The following DMGDH variants were observed in gnomAD, a reference collection of about 807,000 sequenced individuals.
The protein encoded by DMGDH is dimethylglycine dehydrogenase, mitochondrial.
In DMGDH, 76 loss-of-function variants were observed where a neutral mutation model predicts 95.2. The observed-to-expected ratio is 0.80, with a 90% CI of 0.66 to 0.97. DMGDH has a LOEUF of 0.97. Ranked by LOEUF, DMGDH falls within the 50% of genes least tolerant of loss-of-function variation. The probability of loss-of-function intolerance (pLI) is 0.00; values close to 1 mark genes in which losing one functional copy is unlikely to be tolerated. For synonymous variants in DMGDH, 345 were observed against 377.6 expected (o/e 0.91, Z 1.00); for missense variants, 987 against 1,055.0 (o/e 0.94, Z 0.89).
chr5:79,037,304 C>A (rs772445196), intron 7 of DMGDH, among the ~76,000 whole-genome samples: 1 of 152,172 alleles, frequency 6.6e-6, no homozygotes, highest in African/African-American at 2.4e-5. Flanking sequence ...ATGTGACTAA[C>A]CACATGGTCA....
intron 2 of DMGDH, among the ~76,000 whole-genome samples, chr5:79,062,119 C>T (rs537920360): frequency 2.6e-5 from 4 of 152,086 alleles, no homozygotes; most frequent in South Asian, 2.1e-4. Context: ...AGCCTCATGG[C>T]CCCCTGGCTC....
chr5:79,065,890 C>T (rs1404328705), intron 1 of DMGDH, among the ~76,000 whole-genome samples: 2 of 152,008 alleles, frequency 1.3e-5, no homozygotes, highest in Admixed American at 6.5e-5. Context: ...ATATGTGGTC[C>T]ATCATTGACC....
At chr5:79,035,107 C>A (rs939485864) in intron 7 of DMGDH, among the ~76,000 whole-genome samples, 11 of 149,378 alleles carry the variant, frequency 7.4e-5, no homozygotes, top group African/African-American at 2.7e-4. Flanking sequence ...AAAAACCCAG[C>A]AATTTACATT....
chr5:79,063,822 C>T (rs1580234541), intron 1 of DMGDH, 35 bp from the exon 2 acceptor site: 13 of 1,608,168 alleles, frequency 8.1e-6, no homozygotes, highest in South Asian at 3.3e-5. Context: ...GAACTTCAAT[C>T]GGCAATGGTA....
At chr5:79,033,979 T>C (rs1201411582) in intron 7 of DMGDH, among the ~76,000 whole-genome samples, 1 of 152,012 alleles carries the variant, frequency 6.6e-6, no homozygotes, top group Non-Finnish European at 1.5e-5. Context: ...AAAATAGCTC[T>C]TTATGGGGAA....
intron 11 of DMGDH, among the ~76,000 whole-genome samples, chr5:79,029,191 ATCTAAG>A (rs1199653526): frequency 1.3e-5 from 2 of 152,220 alleles, no homozygotes; most frequent in Admixed American, 6.5e-5. Flanking sequence ...TCCTTGAGCT[ATCTAAG>A]TCTATCACAA....
intron 2 of DMGDH, among the ~76,000 whole-genome samples, chr5:79,058,413 G>A (rs879547817): frequency 2.0e-5 from 3 of 152,172 alleles, no homozygotes; most frequent in Non-Finnish European, 4.4e-5. Context: ...TGACTTCAAC[G>A]AGGACATATT....
chr5:79,009,896 A>G (rs2112603206), intron 14 of DMGDH, among the ~76,000 whole-genome samples: 2 of 152,320 alleles, frequency 1.3e-5, no homozygotes, highest in East Asian at 3.9e-4. Context: ...TAATGCTGTA[A>G]TTAAAATAGG....
At chr5:79,051,196 T>C (rs1198133913) in intron 5 of DMGDH, 91 bp downstream of exon 5, 5 of 1,380,048 alleles carry the variant, frequency 3.6e-6, no homozygotes, top group Non-Finnish European at 4.1e-6. Flanking sequence ...CAGTGCTTCA[T>C]GACAATGTCC....
chr5:79,030,833 C>G lies in DMGDH; in HGVS notation c.1683G>C (p.Lys561Asn), dbSNP rs755456130. ...LDHLFANVIP[K>N]VGFTNISHML... is the part of the protein sequence containing the mutation. ...CTTGTATCCCTACAAGGCTATTTAC[C>G]TTTGGAATGACATTTGCAAAGAGAT... Residue 561 changes from lysine to asparagine, a missense_variant and splice_region_variant, in exon 10 of 16, where the codon AAG becomes AAC. Physicochemically the swap from Lys to Asn is moderately conservative, Grantham distance 94. Coordinates refer to ENST00000255189, the MANE Select transcript of DMGDH (RefSeq NM_013391.3). 6.2e-7 allele frequency: 1 copy of G among 1,613,834 alleles called. No homozygotes were observed. Among genetic ancestry groups the G allele is most frequent in the Admixed American group, 1.7e-5 (1 of 59,986 alleles).
chr5:79,065,502 ATGCCC>A (rs2112680317), intron 1 of DMGDH, among the ~76,000 whole-genome samples: 1 of 152,264 alleles, frequency 6.6e-6, no homozygotes, highest in South Asian at 2.1e-4. Flanking sequence ...ATGAGCCACC[ATGCCC>A]GGCCAGAGCT....
At chr5:79,030,662 A>AAAG (rs1754138808) in intron 10 of DMGDH, 171 bp downstream of exon 10, 1 of 707,780 alleles carries the variant, frequency 1.4e-6, no homozygotes, top group East Asian at 2.9e-5. Flanking sequence ...AAAAAAAAAA[A>AAAG]AAAAGAAAAG....
intron 14 of DMGDH, among the ~76,000 whole-genome samples, chr5:79,008,602 T>C (rs972537008): frequency 1.3e-5 from 2 of 152,012 alleles, no homozygotes; most frequent in Non-Finnish European, 2.9e-5. Flanking sequence ...ATGAGAGCTA[T>C]TGGGGCAGAG....
intron 2 of DMGDH, among the ~76,000 whole-genome samples, chr5:79,061,246 C>T (rs964625735): frequency 1.4e-5 from 2 of 143,062 alleles, no homozygotes; most frequent in South Asian, 2.2e-4. Flanking sequence ...CACACACACA[C>T]ACACACACAC....
At chr5:79,000,551 T>C (rs535226100) in intron 15 of DMGDH, 83 of 590,822 alleles carry the variant, frequency 1.4e-4, no homozygotes, top group Non-Finnish European at 2.3e-4. Context: ...TGATTTTCAC[T>C]GATATCAAAA....
chr5:79,005,240 A>G (rs1753524740), intron 15 of DMGDH, 33 bp downstream of exon 15: 1 of 1,612,636 alleles, frequency 6.2e-7, no homozygotes, highest in South Asian at 1.1e-5. Flanking sequence ...AGAAGATGCC[A>G]CAGCCCCTGG....
intron 14 of DMGDH, among the ~76,000 whole-genome samples, chr5:79,009,629 G>A (rs1753611784): frequency 6.6e-6 from 1 of 151,928 alleles, no homozygotes; most frequent in Admixed American, 6.6e-5. Flanking sequence ...CAAAGTGCTG[G>A]GATTACAGGT....
Position 79,054,354 on chromosome 5 carries a change from ACAATAATTC to A in DMGDH, c.376-15_376-7del. 1 of 1,613,988 alleles carries A rather than the reference ACAATAATTC, an allele frequency of 6.2e-7. No individual in the cohort carries two copies. Among genetic ancestry groups the A allele is most frequent in the East Asian group, 2.2e-5 (1 of 44,870 alleles). ...GGCTGATGGAATCCCACCACCTGTG[ACAATAATTC>A]CAGTGAGAGCATATAAATAAGTCAT... On this transcript the variant is annotated splice_region_variant and splice_polypyrimidine_tract_variant and intron_variant, in intron 3 of 15. Coordinates refer to ENST00000255189, the MANE Select transcript of DMGDH (RefSeq NM_013391.3).
chr5:79,033,667 G>A (rs1004195519), intron 7 of DMGDH, among the ~76,000 whole-genome samples: 2 of 152,104 alleles, frequency 1.3e-5, no homozygotes, highest in Non-Finnish European at 2.9e-5. Flanking sequence ...TATTGGGCAG[G>A]GCACACTAAC....
Sources: allele counts gnomAD v4.1 joint callset (sites outside exome capture counted in the v4.1 genomes callset), GRCh38; gene constraint gnomAD v4.1.1; transcripts MANE v1.5; gene names NCBI Gene and HGNC (gene_info 2026-07-23, HGNC 2026-07-21).